Variants in NRXN3 observed in about 807,000 individuals in gnomAD.
The protein encoded by NRXN3 is neurexin 3.
NRXN3 carries 32 observed loss-of-function variants against 137.6 expected under a neutral mutation model. The observed-to-expected ratio is 0.23, with a 90% confidence interval of 0.18 to 0.31. The LOEUF (loss-of-function observed/expected upper bound fraction) is 0.31, where lower values mean the gene tolerates loss of function less well. Ranked by LOEUF, NRXN3 falls within the 10% of genes least tolerant of loss-of-function variation. The pLI is 1.00. For synonymous variants in NRXN3, 798 were observed against 784.5 expected (o/e 1.02, Z -0.29); for missense variants, 1,574 against 2,062.5 (o/e 0.76, Z 4.59).
intron 10 of NRXN3, among the ~76,000 whole-genome samples, chr14:78,932,245 G>A (rs1282669457): frequency 6.6e-6 from 1 of 152,108 alleles, no homozygotes. Context: ...GTTAGGCTCT[G>A]TGGCACTGGG....
intron 10 of NRXN3, among the ~76,000 whole-genome samples, chr14:78,898,041 T>C (rs1379200833): frequency 2.6e-5 from 4 of 151,956 alleles, no homozygotes; most frequent in Non-Finnish European, 5.9e-5. Flanking sequence ...GGAAATCTCA[T>C]GTAAAATCTA....
chr14:78,574,514 C>T (rs906249638), intron 4 of NRXN3, among the ~76,000 whole-genome samples: 1 of 152,236 alleles, frequency 6.6e-6, no homozygotes, highest in Non-Finnish European at 1.5e-5. Flanking sequence ...GGATGTTAGA[C>T]ACAGAGTCAA....
At chr14:78,824,904 A>G (rs569649187) in intron 10 of NRXN3, among the ~76,000 whole-genome samples, 15 of 152,186 alleles carry the variant, frequency 9.9e-5, no homozygotes, top group Non-Finnish European at 1.9e-4. Context: ...ATATGCCTGT[A>G]TCAAAATATT....
chr14:78,864,701 G>T (rs1361773987), intron 10 of NRXN3, among the ~76,000 whole-genome samples: 1 of 152,128 alleles, frequency 6.6e-6, no homozygotes, highest in Admixed American at 6.6e-5. Context: ...TTGAAGGGAA[G>T]ACCCAAAGAA....
Position 78,304,414 on chromosome 14 carries a change from G to A in NRXN3, c.757+6554G>A, listed in dbSNP as rs1433176615. On this transcript the variant is annotated intron_variant, in intron 4 of 20. Coordinates refer to ENST00000335750, the MANE Select transcript of NRXN3 (RefSeq NM_001330195.2). Reference sequence around the variant, plus strand: ...TGTCAAGTTAAATCTACAAAACTGAGCAGGGTGGGTAGGCTATAACAAAAA... The same window carrying A: ...TGTCAAGTTAAATCTACAAAACTGAACAGGGTGGGTAGGCTATAACAAAAA... Among the ~76,000 whole-genome samples the A allele has an allele frequency of 4.6e-5, 7 of 152,310 alleles. No homozygotes were observed. The South Asian group carries it at 1.2e-3, about 27-fold the overall frequency.
At chr14:79,475,716 AACTC>A (rs2096553729) in intron 16 of NRXN3, among the ~76,000 whole-genome samples, 3 of 152,116 alleles carry the variant, frequency 2.0e-5, no homozygotes, top group Admixed American at 6.6e-5. Flanking sequence ...TTCTTCAACT[AACTC>A]ATTTTAACTC....
chr14:78,612,677 T>C (rs1236978948), intron 4 of NRXN3, among the ~76,000 whole-genome samples: 2 of 152,226 alleles, frequency 1.3e-5, no homozygotes, highest in African/African-American at 4.8e-5. Flanking sequence ...GGGCTTAGAT[T>C]TTTGAACTAG....
intron 10 of NRXN3, among the ~76,000 whole-genome samples, chr14:78,903,539 T>G (rs1430590358): frequency 6.6e-6 from 1 of 151,866 alleles, no homozygotes; most frequent in Non-Finnish European, 1.5e-5. Flanking sequence ...TGAATGGAGG[T>G]GAAATAAAGG....
intron 15 of NRXN3, among the ~76,000 whole-genome samples, chr14:79,430,406 A>G (rs183315264): frequency 1.3e-5 from 2 of 152,320 alleles, no homozygotes; most frequent in East Asian, 3.9e-4. Context: ...TGACTGAAAA[A>G]TTAACAGGTT....
intron 15 of NRXN3, among the ~76,000 whole-genome samples, chr14:79,027,063 T>C (rs1436787350): frequency 6.7e-6 from 1 of 148,170 alleles, no homozygotes; most frequent in African/African-American, 2.5e-5. Flanking sequence ...GACAACATTT[T>C]CCATATATTC....
intron 15 of NRXN3, among the ~76,000 whole-genome samples, chr14:79,205,106 T>C (rs188536059): frequency 1.3e-3 from 205 of 152,284 alleles, no homozygotes; most frequent in Admixed American, 2.2e-3. Context: ...TGTTGTTGAT[T>C]TGGGGAAGAG....
At chr14:78,303,091 T>A (rs1420293213) in intron 4 of NRXN3, among the ~76,000 whole-genome samples, 2 of 152,178 alleles carry the variant, frequency 1.3e-5, no homozygotes, top group Non-Finnish European at 2.9e-5. Context: ...CTGTTAAGCT[T>A]AACTACAAAA....
intron 10 of NRXN3, among the ~76,000 whole-genome samples, chr14:78,846,570 GC>G (rs2099027733): frequency 6.6e-6 from 1 of 152,022 alleles, no homozygotes; most frequent in Non-Finnish European, 1.5e-5. Flanking sequence ...TTATAAAGTT[GC>G]AATCCTTCCA....
At chr14:79,449,887 A>G (rs561472129) in intron 15 of NRXN3, among the ~76,000 whole-genome samples, 2 of 144,436 alleles carry the variant, frequency 1.4e-5, no homozygotes, top group East Asian at 4.5e-4. Flanking sequence ...GCTGCTTGGG[A>G]GGCTGAGGCA....
chr14:79,756,090 T>C (rs1194411669), intron 19 of NRXN3, among the ~76,000 whole-genome samples: 1 of 152,138 alleles, frequency 6.6e-6, no homozygotes, highest in Admixed American at 6.6e-5. Flanking sequence ...TCATCATAGC[T>C]CTGCTTCAAT....
At chr14:78,457,279 AC>A (rs1299570985) in intron 4 of NRXN3, among the ~76,000 whole-genome samples, 1 of 152,014 alleles carries the variant, frequency 6.6e-6, no homozygotes, top group African/African-American at 2.4e-5. Context: ...TGATTTGCCC[AC>A]CTTGGCCACC....
chr14:78,777,296 A>G (rs995556041), intron 8 of NRXN3, among the ~76,000 whole-genome samples: 8 of 152,204 alleles, frequency 5.3e-5, no homozygotes, highest in Non-Finnish European at 1.0e-4. Context: ...ACAGAACAAA[A>G]GTGAAGGTTT....
intron 15 of NRXN3, among the ~76,000 whole-genome samples, chr14:79,066,784 A>G (rs183453534): frequency 1.2e-4 from 19 of 152,238 alleles, no homozygotes; most frequent in African/African-American, 4.3e-4. Context: ...ATTGGTGTAT[A>G]GGAATGCTAG....
At chr14:78,941,056 A>G (rs1043932197) in intron 10 of NRXN3, among the ~76,000 whole-genome samples, 18 of 152,202 alleles carry the variant, frequency 1.2e-4, no homozygotes, top group African/African-American at 2.9e-4. Context: ...TTGAATTTCA[A>G]TGTCCATAAG....
Sources: allele counts gnomAD v4.1 joint callset (sites outside exome capture counted in the v4.1 genomes callset), GRCh38; gene constraint gnomAD v4.1.1; transcripts MANE v1.5; gene names NCBI Gene and HGNC (gene_info 2026-07-23, HGNC 2026-07-21).